SYT1: variants seen among roughly 807,000 people sequenced by gnomAD.
SYT1 encodes synaptotagmin 1.
In SYT1, 8 loss-of-function variants were observed where a neutral mutation model predicts 44.8. The ratio of observed to expected loss-of-function variants is 0.18; its 90% CI spans 0.10 to 0.32. The LOEUF (loss-of-function observed/expected upper bound fraction) is 0.32. Ranked by LOEUF, SYT1 falls within the 10% of genes least tolerant of loss-of-function variation. SYT1 has a pLI of 1.00. For missense variants in SYT1, 286 were observed against 509.3 expected (o/e 0.56, Z 4.22); for synonymous variants, 154 against 188.8 (o/e 0.82, Z 1.51).
chr12:79,258,311 A>C (rs572462076), intron 4 of SYT1, among the ~76,000 whole-genome samples: 1 of 152,300 alleles, frequency 6.6e-6, no homozygotes, highest in Non-Finnish European at 1.5e-5. Flanking sequence ...TCTGACTTTC[A>C]AACAGTTCAA....
chr12:79,051,139 C>T (rs1449203517), intron 3 of SYT1, among the ~76,000 whole-genome samples: 1 of 151,372 alleles, frequency 6.6e-6, no homozygotes, highest in African/African-American at 2.4e-5. Flanking sequence ...TGTGTCGGAA[C>T]TGTTAAAAAA....
chr12:78,982,838 C>A (rs1869366652), intron 2 of SYT1, among the ~76,000 whole-genome samples: 1 of 152,106 alleles, frequency 6.6e-6, no homozygotes, highest in South Asian at 2.1e-4. Flanking sequence ...CTACACTTCC[C>A]TGATCCAACA....
At chr12:79,217,935 G>A (rs1024788343) in intron 4 of SYT1, among the ~76,000 whole-genome samples, 9 of 151,232 alleles carry the variant, frequency 6.0e-5, no homozygotes, top group Non-Finnish European at 1.2e-4. Context: ...ATTTAATACA[G>A]GTAGGTTGTT....
intron 2 of SYT1, among the ~76,000 whole-genome samples, chr12:79,013,653 A>G (rs1031660696): frequency 6.6e-6 from 1 of 152,224 alleles, no homozygotes; most frequent in African/African-American, 2.4e-5. Flanking sequence ...TATCCAATCC[A>G]GTCCAGTTAT....
chr12:79,279,248 A>G (rs915712380), intron 4 of SYT1, among the ~76,000 whole-genome samples: 3 of 152,230 alleles, frequency 2.0e-5, no homozygotes, highest in Admixed American at 1.3e-4. Context: ...AAAATTCTCA[A>G]CAAAATACTA....
At position 79,188,277 on chromosome 12, in the gene SYT1, C is replaced by T. The variant is rs1451947541; in HGVS notation, c.-17-29226C>T. The stretch of plus-strand genomic sequence containing the variant: ...TCTACAAATGGCAGGAGATTTTTTC[C>T]ATTTTATGCCTTATGAAAAATGGAT... On this transcript the variant is annotated intron_variant, in intron 3 of 10. Coordinates refer to ENST00000261205, the MANE Select transcript of SYT1 (RefSeq NM_005639.3). Among the ~76,000 whole-genome samples, 4 of 152,038 alleles carry T rather than the reference C, an allele frequency of 2.6e-5. No individual in the cohort carries two copies. In the East Asian group the frequency reaches 7.8e-4, roughly 29 times the overall value.
At chr12:78,912,076 G>A (rs1013636255) in intron 1 of SYT1, among the ~76,000 whole-genome samples, 4 of 151,796 alleles carry the variant, frequency 2.6e-5, no homozygotes, top group African/African-American at 9.7e-5. Flanking sequence ...GTAACACTTG[G>A]AAAATACAAT....
chr12:79,294,767 G>C (rs1028987564), intron 6 of SYT1, among the ~76,000 whole-genome samples: 1 of 151,780 alleles, frequency 6.6e-6, no homozygotes, highest in Non-Finnish European at 1.5e-5. Flanking sequence ...GAGACAGACT[G>C]TTTCCTTTAC....
At chr12:79,016,817 A>T (rs1871836774) in intron 2 of SYT1, among the ~76,000 whole-genome samples, 2 of 152,128 alleles carry the variant, frequency 1.3e-5, no homozygotes, top group African/African-American at 2.4e-5. Flanking sequence ...AATAACTACC[A>T]ACAAGGTATA....
intron 1 of SYT1, among the ~76,000 whole-genome samples, chr12:78,865,496 G>A (rs1257602529): frequency 6.6e-6 from 1 of 151,454 alleles, no homozygotes; most frequent in Non-Finnish European, 1.5e-5. Context: ...GGAGAGGATT[G>A]CCTTTCTTAG....
At chr12:79,146,488 T>G (rs943593252) in intron 3 of SYT1, among the ~76,000 whole-genome samples, 3 of 152,230 alleles carry the variant, frequency 2.0e-5, no homozygotes, top group Non-Finnish European at 4.4e-5. Flanking sequence ...ACCCTCATTC[T>G]GACTTCAAAG....
At chr12:79,165,102 C>G (rs1871156548) in intron 3 of SYT1, among the ~76,000 whole-genome samples, 1 of 151,768 alleles carries the variant, frequency 6.6e-6, no homozygotes, top group Admixed American at 6.6e-5. Flanking sequence ...TGACTAGTGT[C>G]CCATTATTGT....
intron 9 of SYT1, among the ~76,000 whole-genome samples, chr12:79,415,144 A>G (rs1868653411): frequency 6.6e-6 from 1 of 152,182 alleles, no homozygotes; most frequent in South Asian, 2.1e-4. Flanking sequence ...ATATGTGTTT[A>G]TGACAGAGAA....
intron 2 of SYT1, among the ~76,000 whole-genome samples, chr12:78,994,530 G>A (rs1180973160): frequency 2.7e-5 from 3 of 112,802 alleles, no homozygotes; most frequent in Admixed American, 8.9e-5. Context: ...CCTTTGTTCT[G>A]AGGATTTTTT....
chr12:79,286,103 T>C (rs1879302331), intron 5 of SYT1, 132 bp downstream of exon 5: 1 of 1,003,854 alleles, frequency 1.0e-6, no homozygotes, highest in South Asian at 1.8e-5. Flanking sequence ...TTGCAAACCT[T>C]TCAGTCATTG....
chr12:79,253,083 A>G (rs1877311008), intron 4 of SYT1, among the ~76,000 whole-genome samples: 1 of 152,258 alleles, frequency 6.6e-6, no homozygotes, highest in South Asian at 2.1e-4. Context: ...TTTCCATTAT[A>G]TCTTACTGTT....
At chr12:78,982,498 C>T (rs529803840) in intron 2 of SYT1, among the ~76,000 whole-genome samples, 7 of 152,194 alleles carry the variant, frequency 4.6e-5, no homozygotes, top group South Asian at 2.1e-4. Flanking sequence ...CCCTCCTTTC[C>T]GTTCCATTTT....
intron 4 of SYT1, among the ~76,000 whole-genome samples, chr12:79,219,615 T>G (rs1875031394): frequency 2.0e-5 from 3 of 152,118 alleles, no homozygotes; most frequent in African/African-American, 4.8e-5. Context: ...CTTTCTCCAT[T>G]GTGGGTTCTT....
intron 3 of SYT1, among the ~76,000 whole-genome samples, chr12:79,184,532 T>C (rs754623846): frequency 6.6e-6 from 1 of 150,846 alleles, no homozygotes; most frequent in African/African-American, 2.5e-5. Context: ...TGCAGAGAGA[T>C]TATAATGAGA....
Sources: allele counts gnomAD v4.1 joint callset (sites outside exome capture counted in the v4.1 genomes callset), GRCh38; gene constraint gnomAD v4.1.1; transcripts MANE v1.5; gene names NCBI Gene and HGNC (gene_info 2026-07-23, HGNC 2026-07-21).